USH2A: variants seen among roughly 807,000 people sequenced by gnomAD.
USH2A encodes the protein Usher syndrome 2A (autosomal recessive, mild).
USH2A carries 443 observed loss-of-function variants against 538.9 expected under a neutral mutation model. The ratio of observed to expected loss-of-function variants is 0.82; its 90% confidence interval spans 0.76 to 0.89. The LOEUF (loss-of-function observed/expected upper bound fraction) is 0.89. Ranked by LOEUF, USH2A falls within the 40% of genes least tolerant of loss-of-function variation. USH2A has a pLI of 0.00. For missense variants in USH2A, 6,633 were observed against 6,324.8 expected (o/e 1.05, Z -1.65); for synonymous variants, 2,413 against 2,273.5 (o/e 1.06, Z -1.75).
At chr1:216,352,665 C>T (rs1229498837) in intron 4 of USH2A, among the ~76,000 whole-genome samples, 1 of 151,976 alleles carries the variant, frequency 6.6e-6, no homozygotes, top group Non-Finnish European at 1.5e-5. Flanking sequence ...AACAACATGC[C>T]TTTATTCCCT....
At chr1:215,918,555 T>C (rs1273098689) in intron 38 of USH2A, among the ~76,000 whole-genome samples, 1 of 152,110 alleles carries the variant, frequency 6.6e-6, no homozygotes, top group East Asian at 1.9e-4. Context: ...TACTTTTCTG[T>C]TGCTTGTAAG....
At chr1:215,696,834 A>C (rs1234205790) in intron 61 of USH2A, among the ~76,000 whole-genome samples, 2 of 152,234 alleles carry the variant, frequency 1.3e-5, no homozygotes, top group Non-Finnish European at 2.9e-5. Context: ...ACTGCACTCC[A>C]GCCTGGGTGA....
chr1:216,334,525 G>A (rs2102669397), intron 4 of USH2A, among the ~76,000 whole-genome samples: 1 of 151,932 alleles, frequency 6.6e-6, no homozygotes, highest in Admixed American at 6.6e-5. Flanking sequence ...TCAAAAAGTA[G>A]ATATTTACAA....
At chr1:215,773,795 T>A (rs1026928943) in intron 55 of USH2A, among the ~76,000 whole-genome samples, 2 of 152,170 alleles carry the variant, frequency 1.3e-5, no homozygotes, top group African/African-American at 4.8e-5. Context: ...CCCCTGGTGA[T>A]CTTGACTGTG....
intron 21 of USH2A, among the ~76,000 whole-genome samples, chr1:216,167,876 A>G (rs1171343046): frequency 6.6e-6 from 1 of 152,156 alleles, no homozygotes; most frequent in Non-Finnish European, 1.5e-5. Flanking sequence ...ATTTGCCGCC[A>G]GTAACATTAG....
chr1:216,269,276 G>T (rs1486963454), intron 11 of USH2A, among the ~76,000 whole-genome samples: 1 of 151,984 alleles, frequency 6.6e-6, no homozygotes, highest in African/African-American at 2.4e-5. Flanking sequence ...TAAATCTCAC[G>T]AGATCTGATG....
At position 215,692,467 on chromosome 1, in the gene USH2A, G is replaced by A. The variant is rs12140105; in HGVS notation, c.12067-12091C>T. 2.9e-4 allele frequency among the ~76,000 whole-genome samples: 28 copies of A among 97,736 alleles called. No homozygotes were observed. In the South Asian group the frequency reaches 3.7e-3, roughly 13 times the overall value. The allele number at this position is 97,736 out of a possible 152,430, so 64.1% of individuals were successfully genotyped here. ...ATATTTTACATATATATATATATAT[G>A]AATTAGAACTTTCTTCTCACTTTGC... On this transcript the variant is annotated intron_variant, in intron 61 of 71. Transcript: ENST00000307340.
chr1:215,914,193 C>G (rs75084830), intron 38 of USH2A, among the ~76,000 whole-genome samples: 6,117 of 151,364 alleles, frequency 0.04, 137 homozygotes, highest in Middle Eastern at 0.09. Flanking sequence ...TCTGCCTCAG[C>G]CTCCTGAGTA....
At position 215,859,361 on chromosome 1, in the gene USH2A, C is replaced by T. The variant is rs375378320; in HGVS notation, c.8845+7646G>A. On this transcript the variant is annotated intron_variant, in intron 44 of 71. Transcript: ENST00000307340. ...CTTCCTGGCTAACACAGTGAAACCC[C>T]GTCTCTACTAAAAATACAAAAAATC... 9.2e-5 allele frequency among the ~76,000 whole-genome samples: 14 copies of T among 152,128 alleles called. No individual in the cohort carries two copies. The South Asian group carries it at 2.3e-3, about 25-fold the overall frequency.
chr1:215,961,506 G>A (rs190684538), intron 37 of USH2A, among the ~76,000 whole-genome samples: 2 of 151,118 alleles, frequency 1.3e-5, no homozygotes, highest in East Asian at 3.9e-4. Flanking sequence ...ACAGCATCAG[G>A]ACTTCTGGGG....
Position 215,630,401 on chromosome 1 carries a change from T to A in USH2A, c.15298-1366A>T, listed in dbSNP as rs571348490. Reference sequence around the variant, plus strand: ...ATATCCTAGGATACATACCTGCATATGTATATATGTGTGTGTATATATATG... The same window carrying A: ...ATATCCTAGGATACATACCTGCATAAGTATATATGTGTGTGTATATATATG... On this transcript the variant is annotated intron_variant, in intron 70 of 71. Transcript: ENST00000307340. 7.7e-6 allele frequency: 3 copies of A among 387,394 alleles called. No homozygotes were observed. The East Asian group carries it at 2.2e-4, about 28-fold the overall frequency. 24.0% of individuals were successfully genotyped at this position (387,394 alleles called of 1,614,324 possible).
intron 11 of USH2A, among the ~76,000 whole-genome samples, chr1:216,271,090 C>T (rs189535402): frequency 1.1e-3 from 164 of 152,224 alleles, no homozygotes; most frequent in African/African-American, 3.9e-3. Context: ...GTTTCCACTG[C>T]CTCTTACCTA....
intron 21 of USH2A, among the ~76,000 whole-genome samples, chr1:216,156,724 A>C (rs1381611472): frequency 6.6e-6 from 1 of 152,204 alleles, no homozygotes; most frequent in African/African-American, 2.4e-5. Flanking sequence ...AAAAGAAACT[A>C]TCCACAGAGT....
chr1:216,295,777 T>C (rs1302101850), intron 9 of USH2A, among the ~76,000 whole-genome samples: 1 of 152,058 alleles, frequency 6.6e-6, no homozygotes, highest in Non-Finnish European at 1.5e-5. Context: ...TTATCCAAGA[T>C]AATGGTCCTT....
chr1:215,922,141 T>C (rs2102489309), intron 38 of USH2A, among the ~76,000 whole-genome samples: 1 of 152,234 alleles, frequency 6.6e-6, no homozygotes, highest in Middle Eastern at 3.4e-3. Context: ...AAGAGGCTCA[T>C]TAAAGAAAAT....
chr1:216,012,332 C>G (rs571572405), intron 32 of USH2A, among the ~76,000 whole-genome samples: 1 of 152,018 alleles, frequency 6.6e-6, no homozygotes, highest in Non-Finnish European at 1.5e-5. Context: ...TTATTCAGGC[C>G]CTTCCCTACA....
chr1:216,281,753 T>C (rs569663481), intron 11 of USH2A, among the ~76,000 whole-genome samples: 169 of 152,228 alleles, frequency 1.1e-3, no homozygotes, highest in African/African-American at 3.7e-3. Flanking sequence ...TCTTTAATAT[T>C]TTGAGAAACA....
chr1:216,377,004 C>A (rs2038834880), intron 3 of USH2A, among the ~76,000 whole-genome samples: 1 of 152,040 alleles, frequency 6.6e-6, no homozygotes, highest in Non-Finnish European at 1.5e-5. Flanking sequence ...GAAAGGCATG[C>A]TTTTCTGTAA....
At chr1:215,697,902 T>C (rs897802132) in intron 61 of USH2A, among the ~76,000 whole-genome samples, 9 of 152,198 alleles carry the variant, frequency 5.9e-5, no homozygotes, top group South Asian at 2.1e-4. Flanking sequence ...TAGGTATACA[T>C]GTGCCATGCT....
Sources: gnomAD v4.1 joint callset for allele counts (sites outside exome capture counted in the v4.1 genomes callset) on GRCh38, gnomAD v4.1.1 for gene constraint, MANE v1.5 for transcripts, NCBI Gene and HGNC (gene_info 2026-07-23, HGNC 2026-07-21) for gene names.